Variants in CHD6 observed in about 807,000 individuals in gnomAD.
The protein encoded by CHD6 is chromodomain helicase DNA binding protein 6.
CHD6 carries 50 observed loss-of-function variants against 276.9 expected under a neutral mutation model. The ratio of observed to expected loss-of-function variants is 0.18; its 90% CI spans 0.14 to 0.23. CHD6 has a LOEUF of 0.23. Ranked by LOEUF, CHD6 falls within the 10% of genes least tolerant of loss-of-function variation. The pLI, the probability that CHD6 is intolerant of heterozygous loss-of-function variation, is 1.00. For missense variants in CHD6, 2,564 were observed against 3,365.8 expected (o/e 0.76, Z 5.89); for synonymous variants, 1,173 against 1,229.3 (o/e 0.95, Z 0.96).
chr20:41,510,235 G>C (rs1271099564), intron 5 of CHD6, among the ~76,000 whole-genome samples: 1 of 152,220 alleles, frequency 6.6e-6, no homozygotes, highest in Non-Finnish European at 1.5e-5. Context: ...TGAGATTCAA[G>C]GCTTTCAGGC....
At chr20:41,618,010 C>G (rs1180743621) in intron 1 of CHD6, among the ~76,000 whole-genome samples, 1 of 147,044 alleles carries the variant, frequency 6.8e-6, no homozygotes, top group East Asian at 2.0e-4. Flanking sequence ...CTGCCCGGAC[C>G]CCCGCCCCTG....
intron 1 of CHD6, among the ~76,000 whole-genome samples, chr20:41,591,214 GGTGGGGGGA>G (rs1452418165): frequency 8.5e-6 from 1 of 117,862 alleles, no homozygotes; most frequent in Non-Finnish European, 1.7e-5. Flanking sequence ...CCTGTTGTGG[GGTGGGGGGA>G]GGGGGGAGGG....
chr20:41,407,803 A>G (rs1020214603), intron 36 of CHD6, among the ~76,000 whole-genome samples: 11 of 152,202 alleles, frequency 7.2e-5, no homozygotes, highest in African/African-American at 2.7e-4. Context: ...GGCGGTGCTG[A>G]TAAGAGGATG....
Position 41,445,313 on chromosome 20 carries a change from C to T in CHD6, c.3877+352G>A, listed in dbSNP as rs930356723. Reference sequence around the variant, plus strand: ...AAATGCTGAAACTTAGCATTTCCCGCCATTTATTTACTCCTTCATTCAAGG... The same window carrying T: ...AAATGCTGAAACTTAGCATTTCCCGTCATTTATTTACTCCTTCATTCAAGG... On this transcript the variant is annotated intron_variant, in intron 25 of 36. Coordinates refer to ENST00000373233, the MANE Select transcript of CHD6 (RefSeq NM_032221.5). 2.0e-5 allele frequency among the ~76,000 whole-genome samples: 3 copies of T among 152,230 alleles called. No individual in the cohort carries two copies. In the South Asian group the frequency reaches 6.2e-4, roughly 32 times the overall value.
At chr20:41,417,540 T>C (rs1434999549) in intron 31 of CHD6, among the ~76,000 whole-genome samples, 191 bp from the exon 32 acceptor site, 1 of 152,214 alleles carries the variant, frequency 6.6e-6, no homozygotes, top group Non-Finnish European at 1.5e-5. Flanking sequence ...TAAAAGCAAA[T>C]CCTGCTCTGG....
At chr20:41,481,490 T>C (rs981852907) in intron 16 of CHD6, among the ~76,000 whole-genome samples, 1 of 151,912 alleles carries the variant, frequency 6.6e-6, no homozygotes, top group African/African-American at 2.4e-5. Context: ...GTAATCACAA[T>C]TACAAATTAA....
chr20:41,530,840 T>C (rs557363648), intron 3 of CHD6, among the ~76,000 whole-genome samples: 57 of 152,348 alleles, frequency 3.7e-4, no homozygotes, highest in South Asian at 8.3e-4. Flanking sequence ...CCTCCTCTAA[T>C]AGGGTGTCTC....
chr20:41,571,085 T>C (rs2045410902), intron 1 of CHD6, among the ~76,000 whole-genome samples: 1 of 152,032 alleles, frequency 6.6e-6, no homozygotes, highest in South Asian at 2.1e-4. Flanking sequence ...TTAACTCCTA[T>C]ATGGGAGTTA....
At chr20:41,604,317 G>A (rs1178260880) in intron 1 of CHD6, among the ~76,000 whole-genome samples, 1 of 151,994 alleles carries the variant, frequency 6.6e-6, no homozygotes, top group Non-Finnish European at 1.5e-5. Context: ...AGCATGCCCA[G>A]GAAGGAGTAT....
intron 5 of CHD6, among the ~76,000 whole-genome samples, chr20:41,506,549 A>G (rs1357682646): frequency 6.6e-6 from 1 of 152,184 alleles, no homozygotes; most frequent in African/African-American, 2.4e-5. Context: ...TAAAACTGCA[A>G]TCCTCACCCT....
In CHD6 at chr20:41,405,205, T is replaced by G. The variant is rs1321401769; in HGVS notation, c.7536A>C (p.Lys2512Asn). The G allele has an allele frequency of 6.2e-7, 1 of 1,614,038 alleles. No individual in the cohort carries two copies. Among genetic ancestry groups the G allele is most frequent in the Non-Finnish European group, 8.5e-7 (1 of 1,180,036 alleles). Residue 2512 changes from lysine to asparagine, a missense_variant, in exon 37 of 37, where the codon AAA (lysine) becomes AAC (asparagine). Around this residue, in one of 7 missense-constraint regions of CHD6, gnomAD observed 238 missense variants for 266.0 expected, o/e 0.89. Transcript: ENST00000373233. ...TCATGGGCAGCATGCTCAGGGTACT[T>G]TTGACCTCTTCACCTGTTGGCATCG... ...FATMPTGEEV[K>N]STLSMLPMML... is the part of the protein sequence containing the mutation.
intron 3 of CHD6, among the ~76,000 whole-genome samples, chr20:41,520,559 C>G (rs2044366630): frequency 6.6e-6 from 1 of 151,382 alleles, no homozygotes; most frequent in African/African-American, 2.4e-5. Flanking sequence ...TCTCAGCAAA[C>G]TATCACAAGG....
At chr20:41,594,944 A>C (rs1272014281) in intron 1 of CHD6, among the ~76,000 whole-genome samples, 4 of 152,242 alleles carry the variant, frequency 2.6e-5, no homozygotes, top group Admixed American at 6.5e-5. Context: ...CTTCTGCAGA[A>C]GTAAATGTGT....
intron 1 of CHD6, among the ~76,000 whole-genome samples, chr20:41,594,447 G>A (rs751729079): frequency 4.6e-5 from 7 of 152,118 alleles, no homozygotes; most frequent in South Asian, 2.1e-4. Flanking sequence ...ATCTGTGCAC[G>A]AGCTATCATG....
At chr20:41,560,838 TA>T (rs73622090) in intron 1 of CHD6, among the ~76,000 whole-genome samples, 3,735 of 143,812 alleles carry the variant, frequency 0.026, 50 homozygotes, top group South Asian at 0.042. Context: ...CTAAAACAAA[TA>T]AAAAAAAAAA....
intron 1 of CHD6, among the ~76,000 whole-genome samples, chr20:41,595,147 C>T (rs573220561): frequency 2.6e-5 from 4 of 152,158 alleles, no homozygotes; most frequent in Admixed American, 6.5e-5. Context: ...CCTGGTGTGA[C>T]GAATAAACCC....
At position 41,469,686 on chromosome 20, in the gene CHD6, A is replaced by G. The variant is rs79887146; in HGVS notation, c.2664+3636T>C. Among the ~76,000 whole-genome samples the G allele has an allele frequency of 8.7e-3, 1,321 of 152,326 alleles. 21 individuals are homozygous for G. Among genetic ancestry groups the G allele is most frequent in the African/African-American group, 0.029 (1,195 of 41,574 alleles). On this transcript the variant is annotated intron_variant, in intron 17 of 36. Transcript: ENST00000373233. ...AATGATGGTGAGAAAAGGCAAACTGATAACCTTCAATTTTGTACACACATT... is the reference window on the plus strand; with the variant it reads ...AATGATGGTGAGAAAAGGCAAACTGGTAACCTTCAATTTTGTACACACATT...
chr20:41,487,543 G>A lies in CHD6; in HGVS notation c.2001+122C>T, dbSNP rs1046309897. ...ATACACAAACACATAAAATAAAGGAGGTAACGCTCATTTTACCAGGAACGT... is the reference window on the plus strand; with the variant it reads ...ATACACAAACACATAAAATAAAGGAAGTAACGCTCATTTTACCAGGAACGT... On this transcript the variant is annotated intron_variant, in intron 14 of 36. Coordinates refer to ENST00000373233, the MANE Select transcript of CHD6 (RefSeq NM_032221.5). 3.3e-6 allele frequency: 3 copies of A among 920,720 alleles called. No individual in the cohort carries two copies. The Admixed American group carries it at 7.6e-5, about 23-fold the overall frequency. 57.0% of individuals were successfully genotyped at this position (920,720 alleles called of 1,614,324 possible). A position where few individuals can be genotyped will look rare whatever the true frequency, so the allele number is the denominator to read the frequency against.
At chr20:41,575,592 C>G (rs1459025960) in intron 1 of CHD6, among the ~76,000 whole-genome samples, 2 of 152,174 alleles carry the variant, frequency 1.3e-5, no homozygotes, top group African/African-American at 4.8e-5. Flanking sequence ...GAGGACAGTT[C>G]AGCCCCACAC....
Sources: gnomAD v4.1 joint callset for allele counts (sites outside exome capture counted in the v4.1 genomes callset) on GRCh38, gnomAD v4.1.1 for gene constraint, gnomAD v4.1.1 regional missense constraint, MANE v1.5 for transcripts, NCBI Gene and HGNC (gene_info 2026-07-23, HGNC 2026-07-21) for gene names.